Variants in ERMARD observed in about 807,000 individuals in gnomAD.
ERMARD encodes endoplasmic reticulum membrane-associated RNA degradation protein.
A neutral mutation model predicts 83.9 loss-of-function variants in ERMARD; 71 were observed. The ratio of observed to expected loss-of-function variants is 0.85; its 90% CI spans 0.70 to 1.03. The LOEUF (loss-of-function observed/expected upper bound fraction) is 1.03. ERMARD is among the 50% of genes least tolerant of loss of function. The probability of loss-of-function intolerance (pLI) is 0.00; values close to 1 mark genes in which losing one functional copy is unlikely to be tolerated. For missense variants in ERMARD, 838 were observed against 810.9 expected (o/e 1.03, Z -0.41); for synonymous variants, 284 against 298.6 (o/e 0.95, Z 0.50).
intron 16 of ERMARD, among the ~76,000 whole-genome samples, chr6:169,777,439 G>A (rs1262228017): frequency 2.6e-5 from 4 of 152,186 alleles, no homozygotes; most frequent in Non-Finnish European, 5.9e-5. Context: ...TGGGAGGCAG[G>A]TTTGCCTGAG....
At chr6:169,757,876 C>G (rs1585350779) in intron 5 of ERMARD, among the ~76,000 whole-genome samples, 1 of 152,212 alleles carries the variant, frequency 6.6e-6, no homozygotes, top group Non-Finnish European at 1.5e-5. Context: ...ACTGAATTCT[C>G]AAACACATTT....
chr6:169,762,857 G>C (rs952125833), intron 9 of ERMARD, among the ~76,000 whole-genome samples: 1 of 152,190 alleles, frequency 6.6e-6, no homozygotes, highest in African/African-American at 2.4e-5. Context: ...AGACTGAGGT[G>C]ACCAGTGGTT....
intron 16 of ERMARD, among the ~76,000 whole-genome samples, chr6:169,777,073 G>C (rs1046213792): frequency 2.6e-5 from 4 of 152,232 alleles, no homozygotes; most frequent in Non-Finnish European, 4.4e-5. Context: ...GTAGACAGGA[G>C]ACAAAGGATT....
At chr6:169,769,479 C>T in intron 11 of ERMARD, 61 bp from the exon 12 acceptor site, 1 of 1,464,290 alleles carries the variant, frequency 6.8e-7, no homozygotes, top group Non-Finnish European at 9.1e-7. Context: ...TTCAGCAACA[C>T]CAGGCACGTC....
chr6:169,776,630 C>T lies in ERMARD; in HGVS notation c.1696C>T (p.Leu566=), dbSNP rs1409443695. ...LRHRQWVERT[L]RSRQRQNYLR... ...ACACAGGCAGTGGGTGGAAAGGACG[C>T]TGCGGTCTCGCCAGCGGCAGAACTA... The change falls in exon 16 of 18, where the codon CTG becomes TTG. Residue 566 remains leucine, a synonymous_variant. Coordinates refer to ENST00000366773, the MANE Select transcript of ERMARD (RefSeq NM_018341.3). 2 of 1,614,190 alleles carry T rather than the reference C, an allele frequency of 1.2e-6. No homozygotes were observed. The highest frequency in any genetic ancestry group is 1.7e-6 in the Non-Finnish European group (2 of 1,180,048).
At chr6:169,756,497 C>G in intron 4 of ERMARD, 58 bp downstream of exon 4, 1 of 1,289,474 alleles carries the variant, frequency 7.8e-7, no homozygotes, top group Non-Finnish European at 1.1e-6. Flanking sequence ...GAACATGAAA[C>G]TATTTTACAG....
chr6:169,775,855 A>G (rs1585416758), intron 14 of ERMARD, 85 bp from the exon 15 acceptor site: 1 of 1,499,010 alleles, frequency 6.7e-7, no homozygotes, highest in East Asian at 2.3e-5. Context: ...GTCGCTGCTC[A>G]GTGAACCATT....
intron 11 of ERMARD, among the ~76,000 whole-genome samples, chr6:169,768,726 A>G (rs1428358246): frequency 6.6e-6 from 1 of 152,230 alleles, no homozygotes; most frequent in Non-Finnish European, 1.5e-5. Flanking sequence ...AGATCCTGCC[A>G]CTGCACTCCA....
chr6:169,776,356 G>T (rs760068159), intron 15 of ERMARD, 99 bp from the exon 16 acceptor site: 1 of 1,555,596 alleles, frequency 6.4e-7, no homozygotes, highest in Non-Finnish European at 8.7e-7. Flanking sequence ...TACGCCGCTA[G>T]CCCTGGCTCC....
At position 169,776,511 on chromosome 6, in the gene ERMARD, C is replaced by T. The variant is rs753562737; in HGVS notation, c.1577C>T (p.Pro526Leu). ...CSTPVPTLFC[P>L]RIVLEVLVVL... The stretch of plus-strand genomic sequence containing the variant: ...ACACCTGTTCCCACCCTGTTCTGCC[C>T]CAGGATTGTGCTGGAAGTGCTGGTT... Residue 526 changes from proline to leucine, a missense_variant, in exon 16 of 18, where the codon CCC (proline) becomes CTC (leucine). Pro to Leu is a moderately conservative substitution (Grantham distance 98, BLOSUM62 -3). Coordinates refer to ENST00000366773, the MANE Select transcript of ERMARD (RefSeq NM_018341.3). 6 of 1,614,030 alleles carry T rather than the reference C, an allele frequency of 3.7e-6. No individual in the cohort carries two copies. The African/African-American group carries it at 5.3e-5, about 14-fold the overall frequency.
intron 13 of ERMARD, among the ~76,000 whole-genome samples, chr6:169,774,781 G>A (rs1007097152): frequency 6.6e-6 from 1 of 152,182 alleles, no homozygotes; most frequent in Non-Finnish European, 1.5e-5. Context: ...CCAGGGCTTC[G>A]TGGGTGTCCC....
rs766946275 is a variant in ERMARD, at chr6:169,773,407, G to A, written c.1317+5G>A. On this transcript the variant is annotated splice_donor_5th_base_variant and intron_variant, in intron 13 of 17. Transcript: ENST00000366773. ...GTTTTTCAGCTTAAAAAACAGGTAT[G>A]CCAAATGCAGGGTCCCGGGAGGGGC... is the stretch of plus-strand genomic sequence containing the variant. 2 of 1,614,108 alleles carry A rather than the reference G, an allele frequency of 1.2e-6. No homozygotes were observed. The highest frequency in any genetic ancestry group is 1.7e-6 in the Non-Finnish European group (2 of 1,179,968).
chr6:169,780,730 T>C (rs1170972283), intron 17 of ERMARD, among the ~76,000 whole-genome samples: 1 of 152,228 alleles, frequency 6.6e-6, no homozygotes, highest in Non-Finnish European at 1.5e-5. Context: ...AGGTTTGCAC[T>C]GCACAGGTCC....
intron 3 of ERMARD, 28 bp from the exon 4 acceptor site, chr6:169,756,310 A>G: frequency 7.0e-7 from 1 of 1,420,812 alleles, no homozygotes; most frequent in Non-Finnish European, 9.8e-7. Context: ...CAGAGTGTAC[A>G]TCCTAATATG....
chr6:169,779,318 G>A (rs1490462542), intron 17 of ERMARD, 23 bp downstream of exon 17: 2 of 1,596,170 alleles, frequency 1.3e-6, no homozygotes, highest in Middle Eastern at 1.7e-4. Flanking sequence ...CAGTATGTCT[G>A]CAGTCACATT....
At chr6:169,776,803 C>T in intron 16 of ERMARD, 130 bp downstream of exon 16, 1 of 1,084,510 alleles carries the variant, frequency 9.2e-7, no homozygotes, top group Non-Finnish European at 1.3e-6. Flanking sequence ...TGTTGATATA[C>T]TTGGAGTCCA....
chr6:169,761,051 T>C (rs567065927), intron 8 of ERMARD, among the ~76,000 whole-genome samples: 11 of 152,328 alleles, frequency 7.2e-5, no homozygotes, highest in African/African-American at 2.6e-4. Flanking sequence ...GAAACATAGA[T>C]AAGCCAGCTT....
intron 1 of ERMARD, 112 bp downstream of exon 1, chr6:169,751,775 C>G: frequency 7.2e-7 from 1 of 1,385,738 alleles, no homozygotes; most frequent in Non-Finnish European, 9.4e-7. Flanking sequence ...CTGCGGTGGC[C>G]GGCGGTCCCG....
intron 9 of ERMARD, among the ~76,000 whole-genome samples, chr6:169,764,501 G>A (rs1487444207): frequency 6.6e-6 from 1 of 151,856 alleles, no homozygotes; most frequent in Non-Finnish European, 1.5e-5. Context: ...TGAACTCCTG[G>A]GCATAAGTCA....
Sources: gnomAD v4.1 joint callset for allele counts (sites outside exome capture counted in the v4.1 genomes callset) on GRCh38, gnomAD v4.1.1 for gene constraint, MANE v1.5 for transcripts, NCBI Gene and HGNC (gene_info 2026-07-23, HGNC 2026-07-21) for gene names.